Variants in VPS13D observed in about 807,000 individuals in gnomAD.
VPS13D encodes intermembrane lipid transfer protein VPS13D.
A neutral mutation model predicts 461.9 loss-of-function variants in VPS13D; 187 were observed. The ratio of observed to expected loss-of-function variants is 0.40; its 90% CI spans 0.36 to 0.46. VPS13D has a LOEUF of 0.46. Ranked by LOEUF, VPS13D falls within the 20% of genes least tolerant of loss-of-function variation. The pLI is 0.60. For missense variants in VPS13D, 4,711 were observed against 5,364.9 expected (o/e 0.88, Z 3.81); for synonymous variants, 1,951 against 1,986.3 (o/e 0.98, Z 0.47).
At chr1:12,402,581 G>C in intron 62 of VPS13D, 1 of 152,174 alleles carries the variant, frequency 6.6e-6, no homozygotes, top group East Asian at 1.9e-4. Flanking sequence ...TAGAATTTAA[G>C]CTTTAAGAGT....
intron 33 of VPS13D, 38 bp downstream of exon 33, chr1:12,322,002 C>A: frequency 6.2e-7 from 1 of 1,608,538 alleles, no homozygotes; most frequent in South Asian, 1.1e-5. Flanking sequence ...TTGATATGCT[C>A]TCAAACACTG....
intron 29 of VPS13D, among the ~76,000 whole-genome samples, chr1:12,313,299 C>CTTTTT (rs765170972): frequency 1.7e-5 from 2 of 117,584 alleles, no homozygotes; most frequent in African/African-American, 3.4e-5. Flanking sequence ...TTATTCTTTC[C>CTTTTT]TTTTTTTTTT....
At chr1:12,396,494 T>G (rs2101674310) in intron 60 of VPS13D, among the ~76,000 whole-genome samples, 1 of 152,316 alleles carries the variant, frequency 6.6e-6, no homozygotes, top group South Asian at 2.1e-4. Context: ...TGGAACGCTT[T>G]TCCTTTATAA....
At chr1:12,238,151 CAA>C (rs1185807017) in intron 2 of VPS13D, among the ~76,000 whole-genome samples, 31 of 98,024 alleles carry the variant, frequency 3.2e-4, no homozygotes, top group Admixed American at 7.9e-4. Flanking sequence ...GACCCTGTCT[CAA>C]AAAAAAAAAA....
At chr1:12,400,962 G>GCGCGCGCGCACACA (rs1253464149) in intron 61 of VPS13D, among the ~76,000 whole-genome samples, 2 of 106,216 alleles carry the variant, frequency 1.9e-5, no homozygotes, top group African/African-American at 6.7e-5. Context: ...CTGCGCGCGC[G>GCGCGCGCGCACACA]CACACACACA....
At chr1:12,312,376 TC>T (rs1642776977) in intron 29 of VPS13D, among the ~76,000 whole-genome samples, 2 of 152,210 alleles carry the variant, frequency 1.3e-5, no homozygotes, top group Non-Finnish European at 2.9e-5. Flanking sequence ...AGTCAGAAAG[TC>T]CTGTCTTGCT....
rs781641740 is a variant in VPS13D, at chr1:12,314,180, T to TG, written c.7003dup (p.Val2335GlyfsTer9). ...TCCAACCAAACCAAGTCCATTAACT[T>TG]GGTTTCCCATTCCATGATGGCTTTT... On this transcript the variant is annotated frameshift_variant, in exon 30 of 70. Coordinates refer to ENST00000620676, the MANE Select transcript of VPS13D (RefSeq NM_015378.4). LOFTEE classifies it high-confidence loss of function. 6.2e-7 allele frequency: 1 copy of TG among 1,614,202 alleles called. No individual in the cohort carries two copies. The highest frequency in any genetic ancestry group is 1.7e-5 in the Admixed American group (1 of 60,026).
rs1352679932 is a variant in VPS13D at position 12,345,436 on chromosome 1, G to A, written c.8948G>A (p.Ser2983Asn). 1.9e-6 allele frequency: 3 copies of A among 1,614,046 alleles called. No homozygotes were observed. The highest frequency in any genetic ancestry group is 1.7e-5 in the Admixed American group (1 of 60,024). ...QVRVNGWEQV[S>N]PVSVDKVGTF... Reference sequence around the variant, plus strand: ...AGAGTAAATGGCTGGGAGCAAGTGAGCCCAGTGTCTGTGGACAAAGTCGGG... The same window carrying A: ...AGAGTAAATGGCTGGGAGCAAGTGAACCCAGTGTCTGTGGACAAAGTCGGG... Residue 2983 changes from serine (S) to asparagine (N), a missense_variant, in exon 43 of 70, where the codon AGC becomes AAC. Ser to Asn is a conservative substitution (Grantham distance 46, BLOSUM62 1). Coordinates refer to ENST00000620676, the MANE Select transcript of VPS13D (RefSeq NM_015378.4).
chr1:12,482,756 ATACATAGTATACATATATGTATACATAG>A (rs1170178178), intron 67 of VPS13D, among the ~76,000 whole-genome samples: 15 of 143,304 alleles, frequency 1.0e-4, no homozygotes, highest in African/African-American at 4.2e-4. Flanking sequence ...ACATATATGT[ATACATAGTATACATATATGTATACATAG>A]TATACATATA....
chr1:12,426,072 T>G (rs1644921609), intron 65 of VPS13D, among the ~76,000 whole-genome samples: 1 of 152,262 alleles, frequency 6.6e-6, no homozygotes, highest in African/African-American at 2.4e-5. Context: ...CTTTACTATC[T>G]GGAAATCTCT....
chr1:12,486,480 C>T (rs1645798401), intron 67 of VPS13D, among the ~76,000 whole-genome samples: 1 of 152,210 alleles, frequency 6.6e-6, no homozygotes, highest in Non-Finnish European at 1.5e-5. Flanking sequence ...CAACTGTCTA[C>T]AGGGAGCCAG....
At chr1:12,485,134 C>T (rs1459354644) in intron 67 of VPS13D, among the ~76,000 whole-genome samples, 1 of 152,202 alleles carries the variant, frequency 6.6e-6, no homozygotes, top group Non-Finnish European at 1.5e-5. Context: ...TTTTTATTTT[C>T]GTAGTCATTT....
intron 63 of VPS13D, among the ~76,000 whole-genome samples, chr1:12,411,077 CACCGTT>C (rs764214841): frequency 5.9e-5 from 9 of 152,324 alleles, no homozygotes; most frequent in Non-Finnish European, 1.3e-4. Context: ...CCACTTCTTT[CACCGTT>C]ACACGGGAGT....
At chr1:12,239,873 C>T (rs149416806) in intron 2 of VPS13D, among the ~76,000 whole-genome samples, 40 of 152,194 alleles carry the variant, frequency 2.6e-4, no homozygotes, top group African/African-American at 8.7e-4. Context: ...GAGTGACCCG[C>T]ATTATCATTT....
chr1:12,492,081 G>A (rs1203669043), intron 67 of VPS13D, among the ~76,000 whole-genome samples: 1 of 152,180 alleles, frequency 6.6e-6, no homozygotes, highest in Non-Finnish European at 1.5e-5. Flanking sequence ...ATTGTCCCCA[G>A]AATTATTGTA....
rs1371688275 is a variant in VPS13D at position 12,385,333 on chromosome 1, T to C, written c.11444T>C (p.Leu3815Pro). 1 of 1,613,950 alleles carries C rather than the reference T, an allele frequency of 6.2e-7. No homozygotes were observed. The highest frequency in any genetic ancestry group is 1.7e-5 in the Admixed American group (1 of 59,998). The change falls in exon 59 of 70, where the codon CTG (leucine) becomes CCG (proline). Residue 3815 changes from leucine (L) to proline (P), a missense_variant. Physicochemically the swap from Leu to Pro is moderately conservative, Grantham distance 98. Transcript: ENST00000620676. ...GAACTTCCTGTCACCGAACAAGAGC[T>C]GCAGAAATTAAAGAATCCAGATACA... ...VDELPVTEQE[L>P]QKLKNPDTEQ...
At chr1:12,423,076 G>A (rs1229245159) in intron 65 of VPS13D, among the ~76,000 whole-genome samples, 5 of 152,138 alleles carry the variant, frequency 3.3e-5, no homozygotes, top group Admixed American at 2.0e-4. Flanking sequence ...TAGGTTGGTT[G>A]TGGCTGTCAC....
In VPS13D at chr1:12,460,338, G is replaced by T. The variant is rs572896576; in HGVS notation, c.12604G>T (p.Asp4202Tyr). 6.2e-7 allele frequency: 1 copy of T among 1,612,998 alleles called. No homozygotes were observed. The highest frequency in any genetic ancestry group is 1.1e-5 in the South Asian group (1 of 90,910). Residue 4202 changes from aspartate (D) to tyrosine (Y), a missense_variant, in exon 67 of 70, where the codon GAT (aspartate) becomes TAT (tyrosine). Transcript: ENST00000620676. ...TVTKPVAGAL[D>Y]FASETAQAVR... ...AACCAAGCCAGTGGCAGGCGCCCTG[G>T]ATTTTGCATCAGAAACAGCCCAGGC...
At chr1:12,494,819 A>G (rs1645934799) in intron 67 of VPS13D, among the ~76,000 whole-genome samples, 1 of 152,178 alleles carries the variant, frequency 6.6e-6, no homozygotes, top group African/African-American at 2.4e-5. Flanking sequence ...ATTTTGCCTC[A>G]ATGTTGATTT....
Sources: gnomAD v4.1 joint callset for allele counts (sites outside exome capture counted in the v4.1 genomes callset) on GRCh38, gnomAD v4.1.1 for gene constraint, MANE v1.5 for transcripts, NCBI Gene and HGNC (gene_info 2026-07-23, HGNC 2026-07-21) for gene names.